Variants in PIEZO2 observed in about 807,000 individuals in gnomAD.
PIEZO2 encodes the protein piezo-type mechanosensitive ion channel component 2.
A neutral mutation model predicts 337.3 loss-of-function variants in PIEZO2; 172 were observed. The observed-to-expected ratio is 0.51, with a 90% CI of 0.45 to 0.58. The LOEUF is 0.58. Among genes scored for constraint, PIEZO2 ranks in the 20% least tolerant of loss-of-function variants. The pLI is 0.00. For missense variants in PIEZO2, 3,028 were observed against 3,391.3 expected (o/e 0.89, Z 2.66); for synonymous variants, 1,251 against 1,228.5 (o/e 1.02, Z -0.38).
chr18:10,920,132 T>C (rs2031289985), intron 3 of PIEZO2, among the ~76,000 whole-genome samples: 2 of 152,174 alleles, frequency 1.3e-5, no homozygotes, highest in African/African-American at 4.8e-5. Flanking sequence ...GTGTCATTCC[T>C]GAATAGAAGC....
At chr18:10,865,108 G>C (rs2041971731) in intron 5 of PIEZO2, among the ~76,000 whole-genome samples, 1 of 152,192 alleles carries the variant, frequency 6.6e-6, no homozygotes, top group South Asian at 2.1e-4. Flanking sequence ...CAAACACAGA[G>C]AGAAGGGCAG....
At chr18:10,868,089 T>C (rs2042051654) in intron 5 of PIEZO2, among the ~76,000 whole-genome samples, 1 of 152,204 alleles carries the variant, frequency 6.6e-6, no homozygotes, top group Admixed American at 6.5e-5. Flanking sequence ...AACTTGAGCC[T>C]TATCAAATCA....
chr18:11,096,522 T>G lies in PIEZO2; in HGVS notation c.65-30300A>C, dbSNP rs2039267588. The stretch of plus-strand genomic sequence containing the variant: ...TCATTGATAAAACTGAAATGACGCT[T>G]TACTAAGCATTCTCTGTGGCCATTC... On this transcript the variant is annotated intron_variant, in intron 1 of 55. Coordinates refer to ENST00000674853, the MANE Select transcript of PIEZO2 (RefSeq NM_001378183.1). This position sits in a 1 kb window ranked among gnomAD's most constrained non-coding sequence, Gnocchi z 4.6. 1.3e-5 allele frequency among the ~76,000 whole-genome samples: 2 copies of G among 152,162 alleles called. No individual in the cohort carries two copies. The highest frequency in any genetic ancestry group is 1.3e-4 in the Admixed American group (2 of 15,272).
chr18:10,698,900 C>T, intron 44 of PIEZO2, 25 bp downstream of exon 44: 3 of 1,535,576 alleles, frequency 2.0e-6, no homozygotes, highest in Non-Finnish European at 1.7e-6. Context: ...TAACTACAGC[C>T]TAGATATATT....
At chr18:10,881,650 A>AT (rs1307383840) in intron 4 of PIEZO2, among the ~76,000 whole-genome samples, 5 of 152,164 alleles carry the variant, frequency 3.3e-5, no homozygotes, top group African/African-American at 2.4e-5. Context: ...GCAAATCAGT[A>AT]TTTTTTTCCC....
chr18:11,103,887 G>A (rs1034567028), intron 1 of PIEZO2, among the ~76,000 whole-genome samples: 1 of 152,006 alleles, frequency 6.6e-6, no homozygotes, highest in Non-Finnish European at 1.5e-5. Context: ...GTGCAGTGGA[G>A]CAATCTCGGC....
At chr18:10,997,237 C>G (rs1270900314) in intron 2 of PIEZO2, among the ~76,000 whole-genome samples, 1 of 149,002 alleles carries the variant, frequency 6.7e-6, no homozygotes, top group East Asian at 1.9e-4. Context: ...ACCAGATTGA[C>G]TGCCTGCAAA....
chr18:11,060,960 G>T (rs1048243405), intron 2 of PIEZO2, among the ~76,000 whole-genome samples: 5 of 152,116 alleles, frequency 3.3e-5, no homozygotes, highest in African/African-American at 7.2e-5. Flanking sequence ...CAAAACAAGA[G>T]AATTTTAGAC....
chr18:11,011,809 T>G (rs371294107), intron 2 of PIEZO2, among the ~76,000 whole-genome samples: 1 of 152,218 alleles, frequency 6.6e-6, no homozygotes, highest in African/African-American at 2.4e-5. Flanking sequence ...ACTCTTGATA[T>G]AGCTATGTTC....
Position 10,750,110 on chromosome 18 carries a change from T to G in PIEZO2, c.4245A>C (p.Thr1415=). 6.5e-7 allele frequency: 1 copy of G among 1,536,934 alleles called. No homozygotes were observed. The highest frequency in any genetic ancestry group is 8.7e-7 in the Non-Finnish European group (1 of 1,146,606). ...WLIQAFSLAC[T]VKGYQMPAAN... ...ACTTACGCATTTGATAGCCTTTGAC[T>G]GTGCAGGCCAGGCTGAAAGCCTGGA... is the stretch of plus-strand genomic sequence containing the variant. Residue 1415 remains threonine, a synonymous_variant, in exon 29 of 56, where the codon ACA becomes ACC. Transcript: ENST00000674853. The surrounding 1 kb of genome is among the most constrained non-coding windows in gnomAD (Gnocchi z 4.1).
chr18:11,119,147 C>CTT (rs58414095), intron 1 of PIEZO2, among the ~76,000 whole-genome samples: 4 of 131,262 alleles, frequency 3.0e-5, no homozygotes, highest in Admixed American at 1.5e-4. Flanking sequence ...CAAATATTTG[C>CTT]TTTTTTTTTT....
In PIEZO2 at chr18:11,048,428, A is replaced by G. The variant is rs1301559373; in HGVS notation, c.160+17699T>C. Among the ~76,000 whole-genome samples, 3 of 152,208 alleles carry G rather than the reference A, an allele frequency of 2.0e-5. No individual in the cohort carries two copies. The highest frequency in any genetic ancestry group is 7.2e-5 in the African/African-American group (3 of 41,458). On this transcript the variant is annotated intron_variant, in intron 2 of 55. Transcript: ENST00000674853. This position sits in a 1 kb window ranked among gnomAD's most constrained non-coding sequence, Gnocchi z 4.5. ...AAATGAATGCATATTTTGTACCAGT[A>G]TTCTCAGTGTGTTTATTTGACTTCC...
At position 10,705,529 on chromosome 18, in the gene PIEZO2, C is replaced by G; in HGVS notation, c.5806G>C (p.Gly1936Arg). ...TAGGAGGGTGGGGCCTCCACATCCC[C>G]GTCCAAGGTGGAGAACTGTGTCAGC... ...EELTQFSTLD[G>R]DVEAPPSYSK... Residue 1936 changes from glycine to arginine, a missense_variant, in exon 41 of 56, where the codon GGG (glycine) becomes CGG (arginine). This residue lies in a region of PIEZO2 where 1,925 missense variants were observed against 2,051.9 expected (regional missense o/e 0.94). Transcript: ENST00000674853. 6.5e-7 allele frequency: 1 copy of G among 1,537,210 alleles called. No homozygotes were observed. Among genetic ancestry groups the G allele is most frequent in the Non-Finnish European group, 8.7e-7 (1 of 1,146,886 alleles).
rs112519583 is a variant in PIEZO2 at position 10,968,047 on chromosome 18, T to C, written c.286+11488A>G. On this transcript the variant is annotated intron_variant, in intron 3 of 55. Coordinates refer to ENST00000674853, the MANE Select transcript of PIEZO2 (RefSeq NM_001378183.1). Reference sequence around the variant, plus strand: ...CTTTGCCAATGGCTAGAAGGGTTTTTCCAATGTTGTCTTCTAGAATTTTTA... The same window carrying C: ...CTTTGCCAATGGCTAGAAGGGTTTTCCCAATGTTGTCTTCTAGAATTTTTA... 7.6e-4 allele frequency among the ~76,000 whole-genome samples: 116 copies of C among 152,272 alleles called. 1 individual carries two copies. Among genetic ancestry groups the C allele is most frequent in the African/African-American group, 2.6e-3 (110 of 41,556 alleles).
intron 4 of PIEZO2, among the ~76,000 whole-genome samples, chr18:10,908,165 G>A (rs1052987522): frequency 3.3e-5 from 5 of 152,226 alleles, no homozygotes; most frequent in Non-Finnish European, 5.9e-5. Flanking sequence ...CATCTCAGGG[G>A]AGGTCCACCA....
Position 10,855,217 on chromosome 18 carries a change from C to G in PIEZO2, c.917+136G>C. 1.4e-6 allele frequency: 1 copy of G among 739,856 alleles called. No individual in the cohort carries two copies. Among genetic ancestry groups the G allele is most frequent in the Middle Eastern group, 3.8e-4 (1 of 2,600 alleles). 45.8% of individuals were successfully genotyped at this position (739,856 alleles called of 1,614,324 possible). A position where few individuals can be genotyped will look rare whatever the true frequency, so the allele number is the denominator to read the frequency against. On this transcript the variant is annotated intron_variant, in intron 7 of 55. Transcript: ENST00000674853. This position sits in a 1 kb window ranked among gnomAD's most constrained non-coding sequence, Gnocchi z 4.9. Reference sequence around the variant, plus strand: ...TGAAAGTGCTAGACTGCTTCACCCACCCCCACAAAATCTTTGCTTAACACA... The same window carrying G: ...TGAAAGTGCTAGACTGCTTCACCCAGCCCCACAAAATCTTTGCTTAACACA...
chr18:10,713,232 C>T lies in PIEZO2; in HGVS notation c.5423+1532G>A. Among the ~76,000 whole-genome samples, 1 of 151,958 alleles carries T rather than the reference C, an allele frequency of 6.6e-6. No homozygotes were observed. The highest frequency in any genetic ancestry group is 1.9e-4 in the East Asian group (1 of 5,184). On this transcript the variant is annotated intron_variant, in intron 39 of 55. Coordinates refer to ENST00000674853, the MANE Select transcript of PIEZO2 (RefSeq NM_001378183.1). The surrounding 1 kb of genome is among the most constrained non-coding windows in gnomAD (Gnocchi z 4.5). ...TATATATCACAAAGATCTTTTCATA[C>T]CAATAAATATGGATCTGCCTCAATA...
rs1224664734 is a variant in PIEZO2, at chr18:10,726,165, A to C, written c.5029+5242T>G. Among the ~76,000 whole-genome samples, 1 of 152,044 alleles carries C rather than the reference A, an allele frequency of 6.6e-6. No individual in the cohort carries two copies. The highest frequency in any genetic ancestry group is 1.5e-5 in the Non-Finnish European group (1 of 67,982). On this transcript the variant is annotated intron_variant, in intron 36 of 55. Transcript: ENST00000674853. The surrounding 1 kb of genome is among the most constrained non-coding windows in gnomAD (Gnocchi z 5.9). ...TGGGGGGATGGGTGGGAGAGGATTC[A>C]TATATGTGAGCAACTGTGGATCCTT... is the stretch of plus-strand genomic sequence containing the variant.
chr18:10,783,357 TC>T lies in PIEZO2; in HGVS notation c.2492+1426del, dbSNP rs1407498188. Among the ~76,000 whole-genome samples the T allele has an allele frequency of 6.6e-6, 1 of 152,188 alleles. No individual in the cohort carries two copies. Among genetic ancestry groups the T allele is most frequent in the Non-Finnish European group, 1.5e-5 (1 of 68,036 alleles). ...TTATCCACACAGATCACAAACAATG[TC>T]AAAATAATGATTAAAAAAATCCTTT... On this transcript the variant is annotated intron_variant, in intron 17 of 55. Transcript: ENST00000674853. This position sits in a 1 kb window ranked among gnomAD's most constrained non-coding sequence, Gnocchi z 4.3.
Sources: allele counts gnomAD v4.1 joint callset (sites outside exome capture counted in the v4.1 genomes callset), GRCh38; gene constraint gnomAD v4.1.1; regional missense constraint gnomAD v4.1.1; non-coding constraint Gnocchi (gnomAD v3.1); transcripts MANE v1.5; gene names NCBI Gene and HGNC (gene_info 2026-07-23, HGNC 2026-07-21).